ERP27: variants seen among roughly 807,000 people sequenced by gnomAD.
ERP27 encodes the protein endoplasmic reticulum protein 27.
ERP27 carries 23 observed loss-of-function variants against 27.7 expected under a neutral mutation model. That is an observed-to-expected ratio of 0.83 (90% CI 0.60 to 1.18). The LOEUF (loss-of-function observed/expected upper bound fraction) is 1.18, where lower values mean the gene tolerates loss of function less well. ERP27 is among the 50% of genes most tolerant of loss of function. ERP27 has a pLI of 0.00. For missense variants in ERP27, 363 were observed against 327.9 expected (o/e 1.11, Z -0.83); for synonymous variants, 159 against 118.3 (o/e 1.34, Z -2.23).
At chr12:14,926,022 T>C (rs1180011485) in intron 3 of ERP27, among the ~76,000 whole-genome samples, 3 of 151,862 alleles carry the variant, frequency 2.0e-5, no homozygotes, top group Admixed American at 6.6e-5. Flanking sequence ...TGAGCAAAGA[T>C]TGCACCACTG....
chr12:14,914,613 C>T lies in ERP27; in HGVS notation c.*122G>A, dbSNP rs768412271. 8 of 756,882 alleles carry T rather than the reference C, an allele frequency of 1.1e-5. No homozygotes were observed. Among genetic ancestry groups the T allele is most frequent in the East Asian group, 5.1e-5 (2 of 39,454 alleles). The allele number at this position is 756,882 out of a possible 1,614,324, so 46.9% of individuals were successfully genotyped here. On this transcript the variant is annotated 3_prime_UTR_variant, in exon 7 of 7. Coordinates refer to ENST00000266397, the MANE Select transcript of ERP27 (RefSeq NM_152321.4). ...GTGCACGCGTGCGTGCGTGTGTGCA[C>T]GTGCGTGTGTGTGTGGTTGGCAGGC...
At position 14,917,282 on chromosome 12, in the gene ERP27, T is replaced by C; in HGVS notation, c.472A>G (p.Ser158Gly). ...NPVTVIGLFN[S>G]VIQIHLLLIM... The stretch of plus-strand genomic sequence containing the variant: ...AGGAGGAGATGAATCTGAATTACGC[T>C]GTTGAATAACCCAATCACAGTCTGG... The change falls in exon 5 of 7, where the codon AGC becomes GGC. Residue 158 changes from serine to glycine, a missense_variant. By Grantham distance (56) the Ser-to-Gly change is moderately conservative. Transcript: ENST00000266397. 2 of 1,614,150 alleles carry C rather than the reference T, an allele frequency of 1.2e-6. No homozygotes were observed. Among genetic ancestry groups the C allele is most frequent in the Non-Finnish European group, 1.7e-6 (2 of 1,180,012 alleles).
chr12:14,936,606 TC>T (rs1326244641), intron 2 of ERP27, among the ~76,000 whole-genome samples: 1 of 152,020 alleles, frequency 6.6e-6, no homozygotes, highest in Non-Finnish European at 1.5e-5. Flanking sequence ...ATCCCCATAA[TC>T]CCCACATGTC....
intron 3 of ERP27, among the ~76,000 whole-genome samples, chr12:14,933,091 T>C (rs893796584): frequency 6.6e-6 from 1 of 152,228 alleles, no homozygotes; most frequent in Non-Finnish European, 1.5e-5. Flanking sequence ...CATTCATTCA[T>C]TCATTCATTG....
At chr12:14,914,954 A>T (rs1352999217) in intron 6 of ERP27, among the ~76,000 whole-genome samples, 172 bp from the exon 7 acceptor site, 2 of 151,394 alleles carry the variant, frequency 1.3e-5, no homozygotes, top group Non-Finnish European at 2.9e-5. Flanking sequence ...GCCTCTGAAT[A>T]TGCAAGGCCT....
intron 1 of ERP27, among the ~76,000 whole-genome samples, 164 bp downstream of exon 1, chr12:14,938,251 C>T (rs1445583190): frequency 4.0e-5 from 6 of 149,872 alleles, no homozygotes; most frequent in Non-Finnish European, 5.9e-5. Flanking sequence ...CTGAAGGATA[C>T]TGCCAGACTT....
chr12:14,928,924 A>G, intron 3 of ERP27: 1 of 1,533,614 alleles, frequency 6.5e-7, no homozygotes. Context: ...GCTCCTCTAG[A>G]TACTTAATGC....
rs1195867461 is a variant in ERP27 at position 14,917,333 on chromosome 12, T to C, written c.451-30A>G. ...CAAGTCGAAATGTGTTACAGTAGAG[T>C]GAAAGCGAGAAAGAATGCATTAGTA... On this transcript the variant is annotated intron_variant, in intron 4 of 6. Transcript: ENST00000266397. 17 of 1,613,676 alleles carry C rather than the reference T, an allele frequency of 1.1e-5. No homozygotes were observed. In the Admixed American group the frequency reaches 2.8e-4, roughly 27 times the overall value.
intron 4 of ERP27, among the ~76,000 whole-genome samples, chr12:14,920,376 A>C (rs1863482702): frequency 1.3e-5 from 2 of 152,306 alleles, no homozygotes; most frequent in South Asian, 4.1e-4. Flanking sequence ...GTCTGCAAGG[A>C]GGTACATACA....
chr12:14,923,878 CTAT>C (rs1292248031), intron 3 of ERP27, among the ~76,000 whole-genome samples: 1 of 152,080 alleles, frequency 6.6e-6, no homozygotes, highest in Admixed American at 6.5e-5. Context: ...TTTCTTGTAG[CTAT>C]TATTAAATTA....
At chr12:14,930,629 A>ATTT (rs1863684133) in intron 3 of ERP27, among the ~76,000 whole-genome samples, 1 of 151,992 alleles carries the variant, frequency 6.6e-6, no homozygotes, top group Non-Finnish European at 1.5e-5. Context: ...TATGCAACTT[A>ATTT]TGGTTTCATG....
chr12:14,934,367 A>C (rs1319563903), intron 3 of ERP27, among the ~76,000 whole-genome samples: 2 of 152,178 alleles, frequency 1.3e-5, no homozygotes, highest in African/African-American at 4.8e-5. Context: ...TACAATACCT[A>C]CCATACTTAA....
chr12:14,938,449 A>T lies in ERP27; in HGVS notation c.60T>A (p.Ala20=). 6.2e-7 allele frequency: 1 copy of T among 1,614,176 alleles called. No homozygotes were observed. Among genetic ancestry groups the T allele is most frequent in the South Asian group, 1.1e-5 (1 of 91,084 alleles). Residue 20 remains alanine (A), a synonymous_variant, in exon 1 of 7, where the codon GCT becomes GCA. Transcript: ENST00000266397. ...TCTCAACTTCTGCAGCAACTTCTGC[A>T]GCCAGCTCACACGTGAGGAGAAATA... is the stretch of plus-strand genomic sequence containing the variant. ...FLLFLLTCEL[A]AEVAAEVEKS...
chr12:14,914,754 G>A lies in ERP27; in HGVS notation c.803C>T (p.Thr268Ile). 1 of 1,613,778 alleles carries A rather than the reference G, an allele frequency of 6.2e-7. No individual in the cohort carries two copies. The part of the protein sequence containing the change: ...LKENRESEGK[T>I]PKVEL ...GAGAAGTCAGAGTTCCACCTTTGGA[G>A]TCTTTCCTTCTGATTCACGATTTTC... The change falls in exon 7 of 7, where the codon ACT becomes ATT. Residue 268 changes from threonine to isoleucine, a missense_variant. Coordinates refer to ENST00000266397, the MANE Select transcript of ERP27 (RefSeq NM_152321.4).
In ERP27 at chr12:14,935,644, C is replaced by T. The variant is rs1000686643; in HGVS notation, c.196-651G>A. ...CTGGGGCCCAGATGCCTGTGGTTGC[C>T]GGTTATCACTTGATCCCAACTCCCT... is the stretch of plus-strand genomic sequence containing the variant. On this transcript the variant is annotated intron_variant, in intron 2 of 6. Transcript: ENST00000266397. 3.3e-5 allele frequency among the ~76,000 whole-genome samples: 5 copies of T among 152,112 alleles called. No homozygotes were observed. The East Asian group carries it at 5.8e-4, about 18-fold the overall frequency.
At chr12:14,920,810 A>G in intron 4 of ERP27, 122 bp downstream of exon 4, 1 of 706,598 alleles carries the variant, frequency 1.4e-6, no homozygotes, top group Non-Finnish European at 2.5e-6. Flanking sequence ...AGTAACATAA[A>G]CAATACAGTA....
At chr12:14,925,670 A>C (rs1863589272) in intron 3 of ERP27, among the ~76,000 whole-genome samples, 1 of 152,150 alleles carries the variant, frequency 6.6e-6, no homozygotes, top group Non-Finnish European at 1.5e-5. Flanking sequence ...TATATTTTAC[A>C]GCTTTTGAAT....
At position 14,914,617 on chromosome 12, in the gene ERP27, C is replaced by CATGT; in HGVS notation, c.*117_*118insACAT. On this transcript the variant is annotated 3_prime_UTR_variant, in exon 7 of 7. Transcript: ENST00000266397. ...ACGCGTGCGTGCGTGTGTGCACGTGCGTGTGTGTGTGGTTGGCAGGCCTAG... is the reference window on the plus strand; with the variant it reads ...ACGCGTGCGTGCGTGTGTGCACGTGCATGTGTGTGTGTGTGGTTGGCAGGCCTAG... The CATGT allele has an allele frequency of 2.5e-6, 2 of 785,702 alleles. No individual in the cohort carries two copies. Among genetic ancestry groups the CATGT allele is most frequent in the African/African-American group, 1.7e-5 (1 of 57,998 alleles). 48.7% of individuals were successfully genotyped at this position (785,702 alleles called of 1,614,324 possible).
intron 3 of ERP27, among the ~76,000 whole-genome samples, chr12:14,924,205 C>T (rs1863560982): frequency 6.6e-6 from 1 of 152,158 alleles, no homozygotes; most frequent in Admixed American, 6.5e-5. Flanking sequence ...CATGACAGAA[C>T]TTCACTCTTT....
Sources: allele counts gnomAD v4.1 joint callset (sites outside exome capture counted in the v4.1 genomes callset), GRCh38; gene constraint gnomAD v4.1.1; transcripts MANE v1.5; gene names NCBI Gene and HGNC (gene_info 2026-07-23, HGNC 2026-07-21).